PDCD11: variants seen among roughly 807,000 people sequenced by gnomAD.
PDCD11 encodes protein RRP5 homolog.
In PDCD11, 97 loss-of-function variants were observed where a neutral mutation model predicts 198.9. The observed-to-expected ratio is 0.49, with a 90% CI of 0.41 to 0.58. The LOEUF (loss-of-function observed/expected upper bound fraction) is 0.58. Ranked by LOEUF, PDCD11 falls within the 20% of genes least tolerant of loss-of-function variation. The probability of loss-of-function intolerance (pLI) is 0.00; values close to 1 mark genes in which losing one functional copy is unlikely to be tolerated. For synonymous variants in PDCD11, 893 were observed against 918.0 expected, an observed-to-expected ratio of 0.97 and a Z score of 0.49; for missense variants, 2,102 against 2,312.7, an observed-to-expected ratio of 0.91 and a Z score of 1.87.
At chr10:103,406,539 C>A in intron 6 of PDCD11, 70 bp from the exon 7 acceptor site, 2 of 1,424,114 alleles carry the variant, frequency 1.4e-6, no homozygotes, top group African/African-American at 1.4e-5. Flanking sequence ...TCAGGTATTA[C>A]TTGGGCCCAC....
rs1209177235 is a variant in PDCD11, at chr10:103,443,223, G to T, written c.5014G>T (p.Gly1672Cys). 1 of 1,610,650 alleles carries T rather than the reference G, an allele frequency of 6.2e-7. No homozygotes were observed. Among genetic ancestry groups the T allele is most frequent in the Admixed American group, 1.7e-5 (1 of 59,862 alleles). ...TCTGCTGAACCTGGAGAACATGTAC[G>T]GCTCTCAGGAGTCCCTGACCAAGGT... ...VALLNLENMY[G>C]SQESLTKVFE... Residue 1672 changes from glycine (G) to cysteine (C), a missense_variant, in exon 33 of 36, where the codon GGC (glycine) becomes TGC (cysteine). Physicochemically the swap from Gly to Cys is radical, Grantham distance 159 (BLOSUM62 -3). Coordinates refer to ENST00000369797, the MANE Select transcript of PDCD11 (RefSeq NM_014976.2).
rs1306135652 is a variant in PDCD11, at chr10:103,415,027, C to T, written c.1394C>T (p.Ser465Leu). 8 of 1,613,978 alleles carry T rather than the reference C, an allele frequency of 5.0e-6. No homozygotes were observed. Among genetic ancestry groups the T allele is most frequent in the Non-Finnish European group, 5.9e-6 (7 of 1,180,022 alleles). Residue 465 changes from serine (S) to leucine (L), a missense_variant, in exon 12 of 36, where the codon TCA (serine) becomes TTA (leucine). By Grantham distance (145) the Ser-to-Leu change is moderately radical. Coordinates refer to ENST00000369797, the MANE Select transcript of PDCD11 (RefSeq NM_014976.2). ...TAGGGCACAGTGCTAACCATAAAGTCATATGGGATGCTGGTGAAGGTGGGC... is the reference window on the plus strand; with the variant it reads ...TAGGGCACAGTGCTAACCATAAAGTTATATGGGATGCTGGTGAAGGTGGGC... ...VVKGTVLTIK[S>L]YGMLVKVGEQ...
At position 103,444,687 on chromosome 10, in the gene PDCD11, G is replaced by T. The variant is rs2032525736; in HGVS notation, c.5444+5G>T. The T allele has an allele frequency of 3.1e-6, 5 of 1,613,346 alleles. No individual in the cohort carries two copies. The East Asian group carries it at 8.9e-5, about 29-fold the overall frequency. Reference sequence around the variant, plus strand: ...CGGCAGCCAGAAGGACGTCCGGTGAGTGGGGCAGCTGGCCAAGGCCGAGTT... The same window carrying T: ...CGGCAGCCAGAAGGACGTCCGGTGATTGGGGCAGCTGGCCAAGGCCGAGTT... On this transcript the variant is annotated splice_donor_5th_base_variant and intron_variant, in intron 35 of 35. Coordinates refer to ENST00000369797, the MANE Select transcript of PDCD11 (RefSeq NM_014976.2).
chr10:103,435,071 A>G, intron 25 of PDCD11, 96 bp downstream of exon 25: 1 of 870,366 alleles, frequency 1.1e-6, no homozygotes, highest in Non-Finnish European at 1.6e-6. Flanking sequence ...TCAGAAAAAC[A>G]GGTATATGAA....
intron 31 of PDCD11, 119 bp downstream of exon 31, chr10:103,442,094 C>A (rs547553597): frequency 2.6e-5 from 40 of 1,542,304 alleles, no homozygotes; most frequent in Middle Eastern, 3.5e-4. Context: ...GCGGCCAGTC[C>A]CAGGCCAGGG....
chr10:103,419,412 C>T, intron 15 of PDCD11, 126 bp from the exon 16 acceptor site: 2 of 1,059,116 alleles, frequency 1.9e-6, no homozygotes, highest in Non-Finnish European at 2.8e-6. Flanking sequence ...GGTCTGCACA[C>T]TTAGAGAATC....
chr10:103,434,643 G>A, intron 24 of PDCD11, 155 bp from the exon 25 acceptor site: 2 of 626,450 alleles, frequency 3.2e-6, no homozygotes, highest in Non-Finnish European at 5.4e-6. Context: ...TGGCTACATG[G>A]CAGGGTGATC....
At chr10:103,443,109 G>T in intron 32 of PDCD11, 56 bp from the exon 33 acceptor site, 1 of 1,481,702 alleles carries the variant, frequency 6.7e-7, no homozygotes, top group Non-Finnish European at 9.1e-7. Flanking sequence ...GTCTGGATGG[G>T]GCGGGAGGCT....
intron 15 of PDCD11, among the ~76,000 whole-genome samples, chr10:103,418,884 C>T (rs2031268630): frequency 6.6e-6 from 1 of 151,984 alleles, no homozygotes; most frequent in African/African-American, 2.4e-5. Context: ...GAGAAGGAGG[C>T]CCAGTGGGGT....
chr10:103,431,132 T>G (rs1218869718), intron 21 of PDCD11, among the ~76,000 whole-genome samples: 2 of 152,180 alleles, frequency 1.3e-5, no homozygotes, highest in Non-Finnish European at 2.9e-5. Context: ...CACTTGCTAT[T>G]GTATTTTACA....
chr10:103,434,162 T>TA (rs1332887462), intron 23 of PDCD11, 86 bp from the exon 24 acceptor site: 1 of 1,199,394 alleles, frequency 8.3e-7, no homozygotes, highest in Non-Finnish European at 1.2e-6. Flanking sequence ...CTTTGGGAGA[T>TA]ACTTGCTTTG....
Position 103,439,780 on chromosome 10 carries a change from T to G in PDCD11, c.4060T>G (p.Ser1354Ala). ...GPSVVGLARY[S>A]HVSQHSPSKK... ...CTCCGTTGTGGGTTTGGCTCGGTAC[T>G]CCCATGTCTCCCAGCACAGCCCGTC... Residue 1354 changes from serine to alanine, a missense_variant, in exon 28 of 36, where the codon TCC (serine) becomes GCC (alanine). Physicochemically the swap from Ser to Ala is moderately conservative, Grantham distance 99. Transcript: ENST00000369797. 1 of 1,614,098 alleles carries G rather than the reference T, an allele frequency of 6.2e-7. No individual in the cohort carries two copies. Among genetic ancestry groups the G allele is most frequent in the Non-Finnish European group, 8.5e-7 (1 of 1,180,010 alleles).
At chr10:103,403,387 C>T (rs1363435743) in intron 4 of PDCD11, 102 bp downstream of exon 4, 5 of 1,069,074 alleles carry the variant, frequency 4.7e-6, no homozygotes, top group Admixed American at 2.5e-5. Flanking sequence ...AGTACAAGGT[C>T]CCGTGAGAGT....
chr10:103,422,898 T>TGG (rs2031516444), intron 17 of PDCD11, 90 bp from the exon 18 acceptor site: 22 of 1,215,170 alleles, frequency 1.8e-5, no homozygotes, highest in Non-Finnish European at 2.4e-5. Flanking sequence ...TGCTCCACTG[T>TGG]CCTCCGTGGT....
intron 21 of PDCD11, among the ~76,000 whole-genome samples, chr10:103,429,811 C>T (rs866868711): frequency 2.6e-5 from 4 of 152,070 alleles, no homozygotes; most frequent in Admixed American, 6.5e-5. Flanking sequence ...CCCTCTCTTC[C>T]GCCCCGGCAA....
intron 25 of PDCD11, among the ~76,000 whole-genome samples, chr10:103,435,340 A>T (rs1342514390): frequency 6.6e-6 from 1 of 151,930 alleles, no homozygotes; most frequent in African/African-American, 2.4e-5. Flanking sequence ...GGGTTTTTTT[A>T]ATTGAAATTT....
intron 6 of PDCD11, 92 bp downstream of exon 6, chr10:103,406,200 A>G: frequency 1.4e-6 from 2 of 1,453,428 alleles, no homozygotes; most frequent in East Asian, 4.6e-5. Context: ...ACATGACAGA[A>G]TGGTGACCCT....
Position 103,418,525 on chromosome 10 carries a change from C to T in PDCD11, c.1997C>T (p.Thr666Ile). Residue 666 changes from threonine to isoleucine, a missense_variant, in exon 15 of 36, where the codon ACA (threonine) becomes ATA (isoleucine). Thr to Ile is a moderately conservative substitution (Grantham distance 89). Coordinates refer to ENST00000369797, the MANE Select transcript of PDCD11 (RefSeq NM_014976.2). ...CACAACATCCGTGCTTTCCTCCCCA[C>T]ATCTCATCTGTCGGACCACGTTGCC... is the stretch of plus-strand genomic sequence containing the variant. ...LPHNIRAFLP[T>I]SHLSDHVANG... The T allele has an allele frequency of 4.3e-6, 7 of 1,614,190 alleles. No homozygotes were observed. Among genetic ancestry groups the T allele is most frequent in the African/African-American group, 1.3e-5 (1 of 75,048 alleles).
intron 5 of PDCD11, 75 bp downstream of exon 5, chr10:103,405,258 AC>A (rs932179271): frequency 5.5e-6 from 8 of 1,442,028 alleles, no homozygotes; most frequent in Non-Finnish European, 7.7e-6. Flanking sequence ...GGTCTAGGCC[AC>A]CTTTTACTTT....
Sources: gnomAD v4.1 joint callset for allele counts (sites outside exome capture counted in the v4.1 genomes callset) on GRCh38, gnomAD v4.1.1 for gene constraint, MANE v1.5 for transcripts, NCBI Gene and HGNC (gene_info 2026-07-23, HGNC 2026-07-21) for gene names.